ACBD3: variants seen among roughly 807,000 people sequenced by gnomAD.
ACBD3 encodes the protein acyl-CoA binding domain containing 3.
In ACBD3, 30 loss-of-function variants were observed where a neutral mutation model predicts 66.9. The observed-to-expected ratio is 0.45, with a 90% CI of 0.34 to 0.61. The LOEUF is 0.61. ACBD3 is among the 20% of genes least tolerant of loss of function. The pLI is 0.02. For missense variants in ACBD3, 544 were observed against 664.5 expected, an observed-to-expected ratio of 0.82 and a Z score of 1.99; for synonymous variants, 278 against 259.8, an observed-to-expected ratio of 1.07 and a Z score of -0.68.
At chr1:226,153,903 T>G (rs1659622640) in intron 6 of ACBD3, among the ~76,000 whole-genome samples, 1 of 152,086 alleles carries the variant, frequency 6.6e-6, no homozygotes, top group Non-Finnish European at 1.5e-5. Flanking sequence ...AGTTCCAAAG[T>G]CAAGGCATAA....
chr1:226,185,099 A>T (rs2102793463), intron 1 of ACBD3, among the ~76,000 whole-genome samples: 1 of 152,340 alleles, frequency 6.6e-6, no homozygotes, highest in East Asian at 1.9e-4. Flanking sequence ...ATTTTTATCA[A>T]GTGGTAATAT....
At chr1:226,161,728 A>G in intron 3 of ACBD3, 39 bp from the exon 4 acceptor site, 1 of 1,511,618 alleles carries the variant, frequency 6.6e-7, no homozygotes, top group East Asian at 2.5e-5. Context: ...TATACGTTGA[A>G]TCCTGTTTAA....
chr1:226,156,524 A>T (rs868106508), intron 5 of ACBD3, among the ~76,000 whole-genome samples: 8 of 152,304 alleles, frequency 5.3e-5, no homozygotes, highest in South Asian at 2.1e-4. Context: ...ACACGCACAC[A>T]TACACACACA....
At chr1:226,164,994 C>A in intron 2 of ACBD3, 65 bp from the exon 3 acceptor site, 3 of 1,418,242 alleles carry the variant, frequency 2.1e-6, no homozygotes, top group Non-Finnish European at 2.8e-6. Context: ...TAAATTTAAA[C>A]CTAAATATGA....
chr1:226,172,056 A>G (rs1212081164), intron 1 of ACBD3, among the ~76,000 whole-genome samples: 1 of 147,358 alleles, frequency 6.8e-6, no homozygotes, highest in African/African-American at 2.5e-5. Flanking sequence ...TTGGGACGCT[A>G]AAGCAGGAGA....
chr1:226,152,834 ACTT>A (rs1659604312), intron 6 of ACBD3, among the ~76,000 whole-genome samples: 1 of 152,228 alleles, frequency 6.6e-6, no homozygotes, highest in African/African-American at 2.4e-5. Flanking sequence ...AGGTCATCGT[ACTT>A]CTTCAAGTAA....
In ACBD3 at chr1:226,186,667, C is replaced by T; in HGVS notation, c.9G>A (p.Ala3=). The change falls in exon 1 of 8, where the codon GCG becomes GCA. Residue 3 remains alanine (A), a synonymous_variant. Transcript: ENST00000366812. MA[A]VLNAERLEVS... ...CCTCGAGTCGCTCTGCGTTCAGCAC[C>T]GCCGCCATCTCCGGCTGCTGCACCT... is the stretch of plus-strand genomic sequence containing the variant. 6.6e-7 allele frequency: 1 copy of T among 1,504,344 alleles called. No individual in the cohort carries two copies. The highest frequency in any genetic ancestry group is 8.8e-7 in the Non-Finnish European group (1 of 1,132,292). The allele number at this position is 1,504,344 out of a possible 1,614,324, so 93.2% of individuals were successfully genotyped here.
At chr1:226,152,203 C>T in intron 7 of ACBD3, 132 bp downstream of exon 7, 5 of 1,248,720 alleles carry the variant, frequency 4.0e-6, no homozygotes, top group South Asian at 1.5e-5. Flanking sequence ...CCCAAGGTCC[C>T]ACTAATGAAG....
intron 1 of ACBD3, among the ~76,000 whole-genome samples, chr1:226,168,865 C>T (rs1325794569): frequency 6.6e-6 from 1 of 152,196 alleles, no homozygotes; most frequent in African/African-American, 2.4e-5. Context: ...ACTTCCTTCT[C>T]ACTTTTTATT....
rs570183135 is a variant in ACBD3, at chr1:226,145,280, C to G, written c.*1330G>C. 1 of 152,694 alleles carries G rather than the reference C, an allele frequency of 6.5e-6. No homozygotes were observed. The highest frequency in any genetic ancestry group is 1.5e-5 in the Non-Finnish European group (1 of 68,012). 9.5% of individuals were successfully genotyped at this position (152,694 alleles called of 1,614,324 possible). The stretch of plus-strand genomic sequence containing the variant: ...ACTCAAACAACCCATATGTAGTGAA[C>G]TGTATATACTGCAGTTAATGAAAAC... On this transcript the variant is annotated 3_prime_UTR_variant, in exon 8 of 8. Transcript: ENST00000366812.
At position 226,161,735 on chromosome 1, in the gene ACBD3, TTAAAAA is replaced by T. The variant is rs1576233954; in HGVS notation, c.570-52_570-47del. 3 of 1,505,446 alleles carry T rather than the reference TTAAAAA, an allele frequency of 2.0e-6. No homozygotes were observed. The East Asian group carries it at 7.4e-5, about 37-fold the overall frequency. The allele number at this position is 1,505,446 out of a possible 1,614,324, so 93.3% of individuals were successfully genotyped here. On this transcript the variant is annotated intron_variant, in intron 3 of 7. Coordinates refer to ENST00000366812, the MANE Select transcript of ACBD3 (RefSeq NM_022735.4). ...ATGAACCCTATACGTTGAATCCTGTTTAAAAATAAAACTTTAGCTCCCAGGGAAAAC... is the reference window on the plus strand; with the variant it reads ...ATGAACCCTATACGTTGAATCCTGTTTAAAACTTTAGCTCCCAGGGAAAAC...
Position 226,144,814 on chromosome 1 carries a change from C to G in ACBD3, c.*1796G>C, listed in dbSNP as rs945041511. On this transcript the variant is annotated 3_prime_UTR_variant, in exon 8 of 8. Coordinates refer to ENST00000366812, the MANE Select transcript of ACBD3 (RefSeq NM_022735.4). ...AAAATATTCTGACATGAACACATGACAGGAACCGCTGCTATGTAAAGTAAC... is the reference window on the plus strand; with the variant it reads ...AAAATATTCTGACATGAACACATGAGAGGAACCGCTGCTATGTAAAGTAAC... 10 of 152,570 alleles carry G rather than the reference C, an allele frequency of 6.6e-5. No homozygotes were observed. Among genetic ancestry groups the G allele is most frequent in the African/African-American group, 2.4e-4 (10 of 41,424 alleles). 9.5% of individuals were successfully genotyped at this position (152,570 alleles called of 1,614,324 possible).
At position 226,186,383 on chromosome 1, in the gene ACBD3, G is replaced by T; in HGVS notation, c.286+7C>A. 6.6e-7 allele frequency: 1 copy of T among 1,514,698 alleles called. No individual in the cohort carries two copies. The highest frequency in any genetic ancestry group is 8.8e-7 in the Non-Finnish European group (1 of 1,131,448). The allele number at this position is 1,514,698 out of a possible 1,614,324, so 93.8% of individuals were successfully genotyped here. A position where few individuals can be genotyped will look rare whatever the true frequency, so the allele number is the denominator to read the frequency against. On this transcript the variant is annotated splice_region_variant and intron_variant, in intron 1 of 7. Transcript: ENST00000366812. Reference sequence around the variant, plus strand: ...GAAGCGGCGGGGGTGGGGCTGGCCCGGCTCACCTTTGAAGAAGCGCAGTGC... The same window carrying T: ...GAAGCGGCGGGGGTGGGGCTGGCCCTGCTCACCTTTGAAGAAGCGCAGTGC...
intron 5 of ACBD3, among the ~76,000 whole-genome samples, chr1:226,157,600 C>T (rs957347663): frequency 7.2e-5 from 11 of 152,022 alleles, no homozygotes; most frequent in Admixed American, 1.3e-4. Flanking sequence ...AATGTAGTGG[C>T]GCCATCACAG....
At chr1:226,180,193 A>C (rs1007378650) in intron 1 of ACBD3, among the ~76,000 whole-genome samples, 2 of 150,982 alleles carry the variant, frequency 1.3e-5, no homozygotes, top group African/African-American at 4.9e-5. Flanking sequence ...AAAAAAAAGG[A>C]TAATACAATG....
intron 1 of ACBD3, among the ~76,000 whole-genome samples, chr1:226,167,829 T>C (rs1306920451): frequency 6.6e-6 from 1 of 152,120 alleles, no homozygotes; most frequent in Non-Finnish European, 1.5e-5. Flanking sequence ...CAAAAAGATA[T>C]TCAACCCCAC....
intron 1 of ACBD3, among the ~76,000 whole-genome samples, chr1:226,168,643 A>G (rs541191196): frequency 4.9e-4 from 74 of 152,370 alleles, no homozygotes; most frequent in African/African-American, 1.7e-3. Context: ...GGTAGCCACC[A>G]TAACATGATG....
At chr1:226,159,038 G>T in intron 5 of ACBD3, 146 bp downstream of exon 5, 1 of 850,626 alleles carries the variant, frequency 1.2e-6, no homozygotes, top group Non-Finnish European at 1.8e-6. Flanking sequence ...CAATTCTCAA[G>T]TCTGCCTAAA....
At position 226,146,741 on chromosome 1, in the gene ACBD3, C is replaced by T. The variant is rs1159141029; in HGVS notation, c.1456G>A (p.Asp486Asn). The change falls in exon 8 of 8, where the codon GAC (aspartate) becomes AAC (asparagine). Residue 486 changes from aspartate to asparagine, a missense_variant. This residue lies in a region of ACBD3 where 383 missense variants were observed against 462.4 expected (regional missense o/e 0.83). Transcript: ENST00000366812. Reference protein sequence around the residue: ...LDEIVPVYRRDCHEEVYAGSH... With the variant: ...LDEIVPVYRRNCHEEVYAGSH... ...CCAGCATACACCTCCTCATGACAGTCCCGTCGGTACACAGGCACAATCTCA... is the reference window on the plus strand; with the variant it reads ...CCAGCATACACCTCCTCATGACAGTTCCGTCGGTACACAGGCACAATCTCA... The T allele has an allele frequency of 6.2e-7, 1 of 1,613,966 alleles. No homozygotes were observed. The highest frequency in any genetic ancestry group is 2.2e-5 in the East Asian group (1 of 44,892).
Sources: allele counts gnomAD v4.1 joint callset (sites outside exome capture counted in the v4.1 genomes callset), GRCh38; gene constraint gnomAD v4.1.1; regional missense constraint gnomAD v4.1.1; transcripts MANE v1.5; gene names NCBI Gene and HGNC (gene_info 2026-07-23, HGNC 2026-07-21).